BTN1A1: variants seen among roughly 807,000 people sequenced by gnomAD.
BTN1A1 encodes butyrophilin subfamily 1 member A1.
A neutral mutation model predicts 33.1 loss-of-function variants in BTN1A1; 26 were observed. That is an observed-to-expected ratio of 0.79 (90% CI 0.58 to 1.09). The LOEUF is 1.09. BTN1A1 is among the 50% of genes least tolerant of loss of function. The pLI, the probability that BTN1A1 is intolerant of heterozygous loss-of-function variation, is 0.00. For synonymous variants in BTN1A1, 235 were observed against 256.2 expected (o/e 0.92, Z 0.79); for missense variants, 558 against 655.7 (o/e 0.85, Z 1.63).
rs756211134 is a variant in BTN1A1 at position 26,508,064 on chromosome 6, G to A, written c.884G>A (p.Trp295Ter). The change falls in exon 7 of 8, where the codon TGG (tryptophan) becomes TAG (stop). Residue 295 changes from tryptophan to a stop codon, truncating the protein, a stop_gained. Transcript: ENST00000684113. LOFTEE classifies it low-confidence loss of function (END_TRUNC). ...CTATCTTTCTCTTTTGTTGCAGAATGGAAAAAGGCTACCTTGCATGCAGGT... is the reference window on the plus strand; with the variant it reads ...CTATCTTTCTCTTTTGTTGCAGAATAGAAAAAGGCTACCTTGCATGCAGGT... ...SKERLLEELK[W>*]KKATLHAVDV... 1 of 1,612,216 alleles carries A rather than the reference G, an allele frequency of 6.2e-7. No individual in the cohort carries two copies. The highest frequency in any genetic ancestry group is 1.1e-5 in the South Asian group (1 of 90,736).
rs764761095 is a variant in BTN1A1, at chr6:26,508,845, C to T, written c.1252C>T (p.Pro418Ser). ...CCGGACCCCTCTCCCATTGGCAGGG[C>T]CCCCACGCCGGGTTGGGATTTTCCT... ...PLRTPLPLAG[P>S]PRRVGIFLDY... Residue 418 changes from proline to serine, a missense_variant, in exon 8 of 8, where the codon CCC becomes TCC. Physicochemically the swap from Pro to Ser is moderately conservative, Grantham distance 74. Coordinates refer to ENST00000684113, the MANE Select transcript of BTN1A1 (RefSeq NM_001732.3). The T allele has an allele frequency of 1.2e-6, 2 of 1,614,018 alleles. No individual in the cohort carries two copies. The highest frequency in any genetic ancestry group is 1.7e-6 in the Non-Finnish European group (2 of 1,180,020).
intron 3 of BTN1A1, 57 bp from the exon 4 acceptor site, chr6:26,504,868 T>C (rs1763848100): frequency 6.5e-7 from 1 of 1,549,982 alleles, no homozygotes; most frequent in Non-Finnish European, 8.8e-7. Context: ...GCTCTCTGGT[T>C]ATAAGGCTCC....
At chr6:26,506,578 A>T (rs1453515556) in intron 4 of BTN1A1, 105 bp from the exon 5 acceptor site, 10 of 1,207,516 alleles carry the variant, frequency 8.3e-6, no homozygotes, top group African/African-American at 3.1e-5. Context: ...GAGGGATGAG[A>T]GTGGTCCAGG....
At chr6:26,502,816 C>T (rs1763820702) in intron 3 of BTN1A1, among the ~76,000 whole-genome samples, 1 of 152,136 alleles carries the variant, frequency 6.6e-6, no homozygotes, top group African/African-American at 2.4e-5. Context: ...GGCGGTTTGT[C>T]ACATTCCTGA....
intron 3 of BTN1A1, among the ~76,000 whole-genome samples, chr6:26,502,534 T>A (rs184014974): frequency 1.3e-5 from 2 of 152,366 alleles, no homozygotes; most frequent in East Asian, 3.9e-4. Flanking sequence ...CAGTGCAATG[T>A]CTTTATTGTA....
At chr6:26,503,077 C>T (rs899230116) in intron 3 of BTN1A1, among the ~76,000 whole-genome samples, 21 of 152,118 alleles carry the variant, frequency 1.4e-4, no homozygotes, top group Admixed American at 2.6e-4. Flanking sequence ...ATAATCTCAG[C>T]GCTTTGGGAA....
intron 7 of BTN1A1, 138 bp from the exon 8 acceptor site, chr6:26,508,363 T>C: frequency 9.4e-7 from 1 of 1,063,458 alleles, no homozygotes; most frequent in Non-Finnish European, 1.4e-6. Context: ...TGGAGACCCC[T>C]GAGCAGGCCA....
At chr6:26,504,639 C>T (rs925977741) in intron 3 of BTN1A1, among the ~76,000 whole-genome samples, 5 of 152,078 alleles carry the variant, frequency 3.3e-5, no homozygotes, top group Non-Finnish European at 5.9e-5. Context: ...AGGCAAGAAC[C>T]ACCATGCCCA....
At chr6:26,508,413 A>G in intron 7 of BTN1A1, 88 bp from the exon 8 acceptor site, 1 of 1,422,278 alleles carries the variant, frequency 7.0e-7, no homozygotes, top group Admixed American at 2.0e-5. Flanking sequence ...AACTCCTACA[A>G]CAGTGTTCTG....
At position 26,501,423 on chromosome 6, in the gene BTN1A1, A is replaced by G; in HGVS notation, c.79+58A>G. The stretch of plus-strand genomic sequence containing the variant: ...TGAAATATATCAATAAATGTAAAAT[A>G]AACAATCCCACTTGGCTCTCCCTGG... On this transcript the variant is annotated intron_variant, in intron 2 of 7. Coordinates refer to ENST00000684113, the MANE Select transcript of BTN1A1 (RefSeq NM_001732.3). This position sits in a 1 kb window ranked among gnomAD's most constrained non-coding sequence, Gnocchi z 5.2. The G allele has an allele frequency of 6.3e-7, 1 of 1,586,004 alleles. No homozygotes were observed. The highest frequency in any genetic ancestry group is 8.7e-7 in the Non-Finnish European group (1 of 1,154,878).
Position 26,508,660 on chromosome 6 carries a change from G to A in BTN1A1, c.1067G>A (p.Gly356Glu), listed in dbSNP as rs760377425. Residue 356 changes from glycine (G) to glutamate (E), a missense_variant, in exon 8 of 8, where the codon GGA becomes GAA. Coordinates refer to ENST00000684113, the MANE Select transcript of BTN1A1 (RefSeq NM_001732.3). ...CVLGRETFTSGRHYWEVEVGD... is the reference protein window; with the variant it reads ...CVLGRETFTSERHYWEVEVGD... ...TTGGGCCGTGAGACCTTCACCTCAG[G>A]AAGGCATTACTGGGAGGTGGAGGTG... is the stretch of plus-strand genomic sequence containing the variant. 7 of 1,614,066 alleles carry A rather than the reference G, an allele frequency of 4.3e-6. No individual in the cohort carries two copies. The highest frequency in any genetic ancestry group is 1.1e-5 in the South Asian group (1 of 91,088).
intron 4 of BTN1A1, 106 bp from the exon 5 acceptor site, chr6:26,506,577 G>A (rs1763872601): frequency 8.3e-7 from 1 of 1,203,302 alleles, no homozygotes; most frequent in Non-Finnish European, 1.2e-6. Context: ...TGAGGGATGA[G>A]AGTGGTCCAG....
Position 26,509,322 on chromosome 6 carries a change from A to G in BTN1A1, c.*148A>G. On this transcript the variant is annotated 3_prime_UTR_variant, in exon 8 of 8. Coordinates refer to ENST00000684113, the MANE Select transcript of BTN1A1 (RefSeq NM_001732.3). The stretch of plus-strand genomic sequence containing the variant: ...GTGAAGGTTACATTGCTGCTGCTAG[A>G]GAGGGTGGGGATTGCACCTTCCAAA... 1.3e-6 allele frequency: 1 copy of G among 773,864 alleles called. No homozygotes were observed. Among genetic ancestry groups the G allele is most frequent in the South Asian group, 1.9e-5 (1 of 53,896 alleles). The allele number at this position is 773,864 out of a possible 1,614,324, so 47.9% of individuals were successfully genotyped here.
At chr6:26,504,884 G>C in intron 3 of BTN1A1, 41 bp from the exon 4 acceptor site, 3 of 1,591,390 alleles carry the variant, frequency 1.9e-6, no homozygotes, top group Non-Finnish European at 2.6e-6. Flanking sequence ...GCTCCCAAAA[G>C]GGGTCCGCTA....
Position 26,501,476 on chromosome 6 carries a change from A to T in BTN1A1, c.79+111A>T. Reference sequence around the variant, plus strand: ...ACCTCCACTGGATCCAGACAAACTCAGCTGTCAAAGGAGTAAGAGAGCGCG... The same window carrying T: ...ACCTCCACTGGATCCAGACAAACTCTGCTGTCAAAGGAGTAAGAGAGCGCG... On this transcript the variant is annotated intron_variant, in intron 2 of 7. Transcript: ENST00000684113. This position sits in a 1 kb window ranked among gnomAD's most constrained non-coding sequence, Gnocchi z 5.2. 6.3e-7 allele frequency: 1 copy of T among 1,575,250 alleles called. No individual in the cohort carries two copies. Among genetic ancestry groups the T allele is most frequent in the African/African-American group, 1.3e-5 (1 of 74,180 alleles).
Position 26,501,799 on chromosome 6 carries a change from C to CT in BTN1A1, c.290dup (p.Val98GlyfsTer21), listed in dbSNP as rs1763803797. 6.2e-7 allele frequency: 1 copy of CT among 1,613,486 alleles called. No homozygotes were observed. Among genetic ancestry groups the CT allele is most frequent in the Non-Finnish European group, 8.5e-7 (1 of 1,179,920 alleles). On this transcript the variant is annotated frameshift_variant, in exon 3 of 8. Coordinates refer to ENST00000684113, the MANE Select transcript of BTN1A1 (RefSeq NM_001732.3). LOFTEE classifies it high-confidence loss of function. The surrounding 1 kb of genome is among the most constrained non-coding windows in gnomAD (Gnocchi z 5.2). Reference sequence around the variant, plus strand: ...GCCCGAGTACCGCGGGCGGGCGACGCTGGTCCAGGACGGCATCGCCAAGGG... The same window carrying CT: ...GCCCGAGTACCGCGGGCGGGCGACGCTTGGTCCAGGACGGCATCGCCAAGGG...
rs746578423 is a variant in BTN1A1 at position 26,505,042 on chromosome 6, G to C, written c.545G>C (p.Gly182Ala). ...EPQVQWRTSKGEKFPSTSESR... is the reference protein window; with the variant it reads ...EPQVQWRTSKAEKFPSTSESR... ...CAGGTGCAGTGGAGAACTTCCAAGG[G>C]AGAGAAGTTTCCATCTACATCAGAG... is the stretch of plus-strand genomic sequence containing the variant. The change falls in exon 4 of 8, where the codon GGA (glycine) becomes GCA (alanine). Residue 182 changes from glycine (G) to alanine (A), a missense_variant. Transcript: ENST00000684113. 7.4e-6 allele frequency: 12 copies of C among 1,614,086 alleles called. No homozygotes were observed. Among genetic ancestry groups the C allele is most frequent in the African/African-American group, 1.3e-5 (1 of 74,926 alleles).
chr6:26,501,580 T>G lies in BTN1A1; in HGVS notation c.80-10T>G. The G allele has an allele frequency of 6.2e-7, 1 of 1,611,970 alleles. No homozygotes were observed. The highest frequency in any genetic ancestry group is 8.5e-7 in the Non-Finnish European group (1 of 1,178,560). On this transcript the variant is annotated splice_polypyrimidine_tract_variant and intron_variant, in intron 2 of 7. Coordinates refer to ENST00000684113, the MANE Select transcript of BTN1A1 (RefSeq NM_001732.3). This position sits in a 1 kb window ranked among gnomAD's most constrained non-coding sequence, Gnocchi z 5.2. ...CCACATCCCGTCTGATCCCGCTCGT[T>G]TTTCGGCAGCTCCCTTTGACGTGAT...
At position 26,506,838 on chromosome 6, in the gene BTN1A1, C is replaced by T. The variant is rs534914849; in HGVS notation, c.859+6C>T. On this transcript the variant is annotated splice_donor_region_variant and intron_variant, in intron 5 of 7. Coordinates refer to ENST00000684113, the MANE Select transcript of BTN1A1 (RefSeq NM_001732.3). Reference sequence around the variant, plus strand: ...GAATGAATTCAGCTCTAAAGGTAAACCATAGAATCCACAAGGGCTACGTGT... The same window carrying T: ...GAATGAATTCAGCTCTAAAGGTAAATCATAGAATCCACAAGGGCTACGTGT... 2 of 1,613,848 alleles carry T rather than the reference C, an allele frequency of 1.2e-6. No individual in the cohort carries two copies. The highest frequency in any genetic ancestry group is 3.3e-5 in the Admixed American group (2 of 59,984).
Sources: gnomAD v4.1 joint callset for allele counts (sites outside exome capture counted in the v4.1 genomes callset) on GRCh38, gnomAD v4.1.1 for gene constraint, Gnocchi (gnomAD v3.1) non-coding constraint, MANE v1.5 for transcripts, NCBI Gene and HGNC (gene_info 2026-07-23, HGNC 2026-07-21) for gene names.